Variants in PTPN4 observed in about 807,000 individuals in gnomAD.
PTPN4 encodes tyrosine-protein phosphatase non-receptor type 4.
PTPN4 carries 49 observed loss-of-function variants against 135.5 expected under a neutral mutation model. That is an observed-to-expected ratio of 0.36 (90% CI 0.29 to 0.46). PTPN4 has a LOEUF of 0.46. Among genes scored for constraint, PTPN4 ranks in the 20% least tolerant of loss-of-function variants. PTPN4 has a pLI of 1.00. For synonymous variants in PTPN4, 333 were observed against 369.9 expected (o/e 0.90, Z 1.14); for missense variants, 860 against 1,101.0 (o/e 0.78, Z 3.10).
rs183862445 is a variant in PTPN4 at position 119,806,071 on chromosome 2, G to A, written c.-17-3766G>A. ...CCAGGCCTGGCTTACAAGAGCTCCC[G>A]AAGGAAGCACTAAACATGGAAAGGA... is the stretch of plus-strand genomic sequence containing the variant. On this transcript the variant is annotated intron_variant, in intron 1 of 26. Transcript: ENST00000263708. Among the ~76,000 whole-genome samples, 461 of 151,938 alleles carry A rather than the reference G, an allele frequency of 3.0e-3. 8 individuals carry two copies. Among genetic ancestry groups the A allele is most frequent in the Non-Finnish European group, 6.6e-4 (45 of 67,954 alleles).
rs140214166 is a variant in PTPN4, at chr2:119,934,891, G to C, written c.1288G>C (p.Glu430Gln). 28 of 1,613,664 alleles carry C rather than the reference G, an allele frequency of 1.7e-5. No individual in the cohort carries two copies. Among genetic ancestry groups the C allele is most frequent in the Non-Finnish European group, 2.4e-5 (28 of 1,179,732 alleles). Reference protein sequence around the residue: ...VDHMVHTSPSEVFVNQRSPSS... With the variant: ...VDHMVHTSPSQVFVNQRSPSS... Reference sequence around the variant, plus strand: ...CCATATGGTTCATACTTCCCCAAGCGAAGTGTTTGTAAATCAGAGATCTCC... The same window carrying C: ...CCATATGGTTCATACTTCCCCAAGCCAAGTGTTTGTAAATCAGAGATCTCC... The change falls in exon 15 of 27, where the codon GAA (glutamate) becomes CAA (glutamine). Residue 430 changes from glutamate to glutamine, a missense_variant. Physicochemically the swap from Glu to Gln is conservative, Grantham distance 29. Around this residue, in one of 2 missense-constraint regions of PTPN4, gnomAD observed 684 missense variants for 807.0 expected, o/e 0.85. Transcript: ENST00000263708.
At chr2:119,945,760 G>A (rs1354222245) in intron 16 of PTPN4, among the ~76,000 whole-genome samples, 1 of 152,074 alleles carries the variant, frequency 6.6e-6, no homozygotes, top group Non-Finnish European at 1.5e-5. Flanking sequence ...CTAGGCTTTG[G>A]AGGATGGCAG....
At chr2:119,761,070 A>C (rs1296902186) in intron 1 of PTPN4, among the ~76,000 whole-genome samples, 1 of 152,152 alleles carries the variant, frequency 6.6e-6, no homozygotes, top group Non-Finnish European at 1.5e-5. Flanking sequence ...GGATTTTTCA[A>C]AACGCCTGTT....
rs1678091512 is a variant in PTPN4, at chr2:119,882,257, T to G, written c.466+108T>G. ...TTTAGAAATGTTGCTATATAGAAAA[T>G]AGTGACTGCAGTGGAAATGTAATGA... On this transcript the variant is annotated intron_variant, in intron 7 of 26. Transcript: ENST00000263708. 5.9e-6 allele frequency: 7 copies of G among 1,182,782 alleles called. No individual in the cohort carries two copies. The South Asian group carries it at 9.3e-5, about 16-fold the overall frequency. The allele number at this position is 1,182,782 out of a possible 1,614,324, so 73.3% of individuals were successfully genotyped here. A position where few individuals can be genotyped will look rare whatever the true frequency, so the allele number is the denominator to read the frequency against.
rs1466888864 is a variant in PTPN4, at chr2:119,975,211, A to G, written c.2695-1773A>G. ...ATCGCAGCCTCAACCTCCTTGGCTC[A>G]AATGTTCCTCCCATCTCCACCTCCC... is the stretch of plus-strand genomic sequence containing the variant. On this transcript the variant is annotated intron_variant, in intron 26 of 26. Transcript: ENST00000263708. 2.0e-5 allele frequency among the ~76,000 whole-genome samples: 3 copies of G among 152,146 alleles called. No individual in the cohort carries two copies. In the South Asian group the frequency reaches 6.2e-4, roughly 32 times the overall value.
intron 10 of PTPN4, among the ~76,000 whole-genome samples, chr2:119,905,769 C>A (rs1358383330): frequency 5.3e-5 from 8 of 152,270 alleles, no homozygotes; most frequent in Non-Finnish European, 1.2e-4. Context: ...AGTATTTTCT[C>A]ACACCACAAT....
At chr2:119,937,213 C>T (rs762229750) in intron 15 of PTPN4, among the ~76,000 whole-genome samples, 4 of 152,186 alleles carry the variant, frequency 2.6e-5, no homozygotes, top group Non-Finnish European at 4.4e-5. Context: ...AGATAAAATA[C>T]TTTGCAGCTT....
At position 119,760,871 on chromosome 2, in the gene PTPN4, CAA is replaced by C. The variant is rs11288109; in HGVS notation, c.-18+507_-18+508del. On this transcript the variant is annotated intron_variant, in intron 1 of 26. Transcript: ENST00000263708. ...TGTATTTGGGAATCTGTAGTTGAGC[CAA>C]AAAAAAAAAAAAAAAAAAAGTTGAG... 5.9e-3 allele frequency among the ~76,000 whole-genome samples: 482 copies of C among 82,034 alleles called. 3 individuals are homozygous for C. Among genetic ancestry groups the C allele is most frequent in the East Asian group, 0.037 (110 of 2,958 alleles). 53.8% of individuals were successfully genotyped at this position (82,034 alleles called of 152,430 possible).
chr2:119,936,607 C>A (rs1678987670), intron 15 of PTPN4, among the ~76,000 whole-genome samples: 1 of 152,196 alleles, frequency 6.6e-6, no homozygotes, highest in Non-Finnish European at 1.5e-5. Flanking sequence ...GCCTCCCCAG[C>A]CATGTGTAAC....
intron 2 of PTPN4, among the ~76,000 whole-genome samples, chr2:119,849,039 A>G (rs188456363): frequency 1.1e-4 from 17 of 152,022 alleles, no homozygotes; most frequent in Admixed American, 9.8e-4. Flanking sequence ...TTTGTGAAAA[A>G]CCATTTGATT....
At chr2:119,863,339 C>G (rs144038499) in intron 3 of PTPN4, among the ~76,000 whole-genome samples, 39 of 152,064 alleles carry the variant, frequency 2.6e-4, no homozygotes, top group African/African-American at 7.7e-4. Context: ...TGATTGAATT[C>G]TTTGTAAATT....
chr2:119,877,185 G>A (rs1677996889), intron 3 of PTPN4, 138 bp from the exon 4 acceptor site: 1 of 735,896 alleles, frequency 1.4e-6, no homozygotes, highest in Non-Finnish European at 2.1e-6. Context: ...TGTCTGTAAT[G>A]CAATGATTTT....
chr2:119,911,825 A>T (rs531069122), intron 10 of PTPN4, among the ~76,000 whole-genome samples: 2 of 152,278 alleles, frequency 1.3e-5, no homozygotes, highest in South Asian at 4.1e-4. Context: ...TATTATTATA[A>T]TATATACAAT....
At chr2:119,879,189 T>C (rs1384551386) in intron 5 of PTPN4, among the ~76,000 whole-genome samples, 1 of 152,176 alleles carries the variant, frequency 6.6e-6, no homozygotes. Flanking sequence ...GTTAAAACTA[T>C]GTTTATAATG....
intron 2 of PTPN4, among the ~76,000 whole-genome samples, chr2:119,821,922 C>A (rs1459431293): frequency 6.6e-6 from 1 of 151,920 alleles, no homozygotes; most frequent in Non-Finnish European, 1.5e-5. Context: ...TATTTCAATT[C>A]CTGATTGTTT....
intron 2 of PTPN4, among the ~76,000 whole-genome samples, chr2:119,822,015 C>T (rs1449884915): frequency 6.6e-6 from 1 of 151,870 alleles, no homozygotes; most frequent in African/African-American, 2.4e-5. Context: ...GTAGATTGTG[C>T]ATGAAATCCA....
intron 26 of PTPN4, among the ~76,000 whole-genome samples, chr2:119,970,043 T>C (rs912094965): frequency 1.3e-5 from 2 of 151,976 alleles, no homozygotes; most frequent in African/African-American, 4.8e-5. Context: ...TGCTACTATA[T>C]AACTTTTATT....
intron 1 of PTPN4, among the ~76,000 whole-genome samples, chr2:119,790,156 C>T (rs1482205609): frequency 6.6e-6 from 1 of 151,958 alleles, no homozygotes; most frequent in Non-Finnish European, 1.5e-5. Flanking sequence ...GGAGAATGTA[C>T]CATGTGCACT....
At chr2:119,961,915 T>C (rs1679371880) in intron 23 of PTPN4, among the ~76,000 whole-genome samples, 1 of 152,148 alleles carries the variant, frequency 6.6e-6, no homozygotes. Context: ...GAATGAACAA[T>C]GACTACTAAT....
Sources: gnomAD v4.1 joint callset for allele counts (sites outside exome capture counted in the v4.1 genomes callset) on GRCh38, gnomAD v4.1.1 for gene constraint, gnomAD v4.1.1 regional missense constraint, MANE v1.5 for transcripts, NCBI Gene and HGNC (gene_info 2026-07-23, HGNC 2026-07-21) for gene names.